The following ZNF140 variants were observed in gnomAD, a reference collection of about 807,000 sequenced individuals.
The protein encoded by ZNF140 is zinc finger protein 140.
A neutral mutation model predicts 12.9 loss-of-function variants in ZNF140; 13 were observed. That is an observed-to-expected ratio of 1.01 (90% CI 0.66 to 1.60). The LOEUF is 1.60. Ranked by LOEUF, ZNF140 falls within the 40% of genes most tolerant of loss-of-function variation. ZNF140 has a pLI of 0.00. For missense variants in ZNF140, 531 were observed against 548.8 expected, an observed-to-expected ratio of 0.97 and a Z score of 0.32; for synonymous variants, 214 against 186.7, an observed-to-expected ratio of 1.15 and a Z score of -1.19.
rs1398549765 is a variant in ZNF140, at chr12:133,105,791, C to T, written c.514C>T (p.Arg172Ter). The T allele has an allele frequency of 1.7e-5, 27 of 1,613,946 alleles. No individual in the cohort carries two copies. Among genetic ancestry groups the T allele is most frequent in the Middle Eastern group, 1.6e-4 (1 of 6,082 alleles). The change falls in exon 5 of 5, where the codon CGA becomes TGA. Residue 172 changes from arginine to a stop codon, truncating the protein, a stop_gained. Transcript: ENST00000355557. LOFTEE classifies it low-confidence loss of function (END_TRUNC). ...GCHECGKTFG[R>*]RFSLVLHQRT... ...CCATGAATGTGGAAAAACTTTTGGT[C>T]GACGCTTTTCCCTGGTGTTACACCA...
rs980046892 is a variant in ZNF140, at chr12:133,092,253, C to T, written c.232+8692C>T. Among the ~76,000 whole-genome samples, 5 of 151,058 alleles carry T rather than the reference C, an allele frequency of 3.3e-5. 1 individual carries two copies. The highest frequency in any genetic ancestry group is 5.9e-5 in the Non-Finnish European group (4 of 67,800). ...TTTAATACTTCTGTTAAGATATGTACGGATGGAGAAGCCTCCCACGGTCGG... is the reference window on the plus strand; with the variant it reads ...TTTAATACTTCTGTTAAGATATGTATGGATGGAGAAGCCTCCCACGGTCGG... On this transcript the variant is annotated intron_variant, in intron 4 of 4. Transcript: ENST00000355557.
At chr12:133,081,249 A>G in intron 1 of ZNF140, 24 bp from the exon 2 acceptor site, 2 of 1,414,736 alleles carry the variant, frequency 1.4e-6, no homozygotes, top group Admixed American at 1.9e-5. Context: ...CTGTTCGCTC[A>G]GGGCTCCTTT....
At position 133,106,079 on chromosome 12, in the gene ZNF140, A is replaced by T. The variant is rs368056146; in HGVS notation, c.802A>T (p.Ile268Leu). The change falls in exon 5 of 5, where the codon ATA (isoleucine) becomes TTA (leucine). Residue 268 changes from isoleucine (I) to leucine (L), a missense_variant. Ile to Leu is a conservative substitution (Grantham distance 5). Transcript: ENST00000355557. ...SNLTRHQRIHIGKKQYICRKC... is the reference protein window; with the variant it reads ...SNLTRHQRIHLGKKQYICRKC... Reference sequence around the variant, plus strand: ...CCTCACTCGACATCAAAGAATTCACATAGGAAAGAAACAATATATATGTAG... The same window carrying T: ...CCTCACTCGACATCAAAGAATTCACTTAGGAAAGAAACAATATATATGTAG... 30 of 1,614,028 alleles carry T rather than the reference A, an allele frequency of 1.9e-5. No homozygotes were observed. In the African/African-American group the frequency reaches 3.7e-4, roughly 20 times the overall value.
intron 4 of ZNF140, among the ~76,000 whole-genome samples, chr12:133,100,433 C>T (rs1955306707): frequency 6.6e-6 from 1 of 152,084 alleles, no homozygotes; most frequent in Non-Finnish European, 1.5e-5. Context: ...GTCTTGGCCT[C>T]CCAAAATTCT....
At chr12:133,089,179 A>C (rs768952490) in intron 4 of ZNF140, among the ~76,000 whole-genome samples, 1 of 151,730 alleles carries the variant, frequency 6.6e-6, no homozygotes, top group Admixed American at 6.6e-5. Flanking sequence ...GTGAATCCTG[A>C]TGCTTTCATT....
In ZNF140 at chr12:133,105,535, AGACTTTTCACCAAAAAAT is replaced by A; in HGVS notation, c.260_277del (p.Asp87_Asn92del). The A allele has an allele frequency of 6.2e-7, 1 of 1,609,494 alleles. No homozygotes were observed. Among genetic ancestry groups the A allele is most frequent in the Non-Finnish European group, 8.5e-7 (1 of 1,178,456 alleles). ...TTTCAGAGTCAAGTGGTGAGATCAAAGACTTTTCACCAAAAAATGTCATTTATGATGACTCATCCCAGT... is the reference window on the plus strand; with the variant it reads ...TTTCAGAGTCAAGTGGTGAGATCAAAGTCATTTATGATGACTCATCCCAGT... On this transcript the variant is annotated inframe_deletion, in exon 5 of 5. Coordinates refer to ENST00000355557, the MANE Select transcript of ZNF140 (RefSeq NM_003440.4).
In ZNF140 at chr12:133,081,372, A is replaced by ATATATATATATATATATATATAT. The variant is rs1954490088; in HGVS notation, c.9+43_9+44insTATATATATATATATATATATAT. The stretch of plus-strand genomic sequence containing the variant: ...AAATATATATATATATATATATATA[A>ATATATATATATATATATATATAT]ATTTTTATTTTTTTTTTAAGAGAGA... On this transcript the variant is annotated intron_variant, in intron 2 of 4. Coordinates refer to ENST00000355557, the MANE Select transcript of ZNF140 (RefSeq NM_003440.4). 1.1e-4 allele frequency: 12 copies of ATATATATATATATATATATATAT among 108,634 alleles called. 1 individual carries two copies. The highest frequency in any genetic ancestry group is 1.4e-4 in the African/African-American group (2 of 14,240). 6.7% of individuals were successfully genotyped at this position (108,634 alleles called of 1,614,324 possible).
chr12:133,106,315 A>T lies in ZNF140; in HGVS notation c.1038A>T (p.Lys346Asn), dbSNP rs1235291758. Residue 346 changes from lysine (K) to asparagine (N), a missense_variant, in exon 5 of 5, where the codon AAA becomes AAT. Lys to Asn is a moderately conservative substitution (Grantham distance 94). Coordinates refer to ENST00000355557, the MANE Select transcript of ZNF140 (RefSeq NM_003440.4). ...TCCGTTGTCACTCATTCCTTATTAA[A>T]CATCAGAGAATTCATGCTGGAGAAA... is the stretch of plus-strand genomic sequence containing the variant. ...KAFRCHSFLIKHQRIHAGEKL... is the reference protein window; with the variant it reads ...KAFRCHSFLINHQRIHAGEKL... The T allele has an allele frequency of 1.2e-6, 2 of 1,614,194 alleles. No homozygotes were observed. The highest frequency in any genetic ancestry group is 4.5e-5 in the East Asian group (2 of 44,882).
At chr12:133,087,440 T>C (rs1436331161) in intron 4 of ZNF140, among the ~76,000 whole-genome samples, 2 of 151,762 alleles carry the variant, frequency 1.3e-5, no homozygotes, top group East Asian at 3.9e-4. Flanking sequence ...AAATGCATAT[T>C]CCTAGGCCCC....
chr12:133,101,414 T>C, intron 4 of ZNF140, among the ~76,000 whole-genome samples: 1 of 152,036 alleles, frequency 6.6e-6, no homozygotes, highest in Non-Finnish European at 1.5e-5. Flanking sequence ...CACAGAATAC[T>C]TATGAGCCCA....
rs150988045 is a variant in ZNF140 at position 133,102,750 on chromosome 12, T to TA, written c.233-2746dup. On this transcript the variant is annotated intron_variant, in intron 4 of 4. Coordinates refer to ENST00000355557, the MANE Select transcript of ZNF140 (RefSeq NM_003440.4). Reference sequence around the variant, plus strand: ...GGTGACAGAGCGAGACTCCGTTTCTTAAAAAAAAAAAAAAGAAAAAAGAAA... The same window carrying TA: ...GGTGACAGAGCGAGACTCCGTTTCTTAAAAAAAAAAAAAAAGAAAAAAGAAA... Among the ~76,000 whole-genome samples, 1,180 of 136,704 alleles carry TA rather than the reference T, an allele frequency of 8.6e-3. 19 individuals are homozygous for TA. The highest frequency in any genetic ancestry group is 0.029 in the African/African-American group (1,082 of 37,446). 89.7% of individuals were successfully genotyped at this position (136,704 alleles called of 152,430 possible). A position where few individuals can be genotyped will look rare whatever the true frequency, so the allele number is the denominator to read the frequency against.
In ZNF140 at chr12:133,090,805, A is replaced by G. The variant is rs918675644; in HGVS notation, c.232+7244A>G. On this transcript the variant is annotated intron_variant, in intron 4 of 4. Transcript: ENST00000355557. ...GGTCAGCAAAAAACATGTGAGCAAA[A>G]GAATCTATATCATAATTAGGTTTAA... Among the ~76,000 whole-genome samples, 260 of 134,872 alleles carry G rather than the reference A, an allele frequency of 1.9e-3. 4 individuals are homozygous for G. The East Asian group carries it at 0.043, about 22-fold the overall frequency. 88.5% of individuals were successfully genotyped at this position (134,872 alleles called of 152,430 possible). A position where few individuals can be genotyped will look rare whatever the true frequency, so the allele number is the denominator to read the frequency against.
rs925193507 is a variant in ZNF140 at position 133,106,704 on chromosome 12, A to G, written c.*53A>G. On this transcript the variant is annotated 3_prime_UTR_variant, in exon 5 of 5. Coordinates refer to ENST00000355557, the MANE Select transcript of ZNF140 (RefSeq NM_003440.4). ...TGTATGGAATTTTTTAAAAAGAAGTATAATGCCTTACTTCAGAGAACTCTT... is the reference window on the plus strand; with the variant it reads ...TGTATGGAATTTTTTAAAAAGAAGTGTAATGCCTTACTTCAGAGAACTCTT... The G allele has an allele frequency of 4.2e-6, 6 of 1,445,582 alleles. No individual in the cohort carries two copies. Among genetic ancestry groups the G allele is most frequent in the African/African-American group, 1.4e-5 (1 of 70,536 alleles). The allele number at this position is 1,445,582 out of a possible 1,614,324, so 89.5% of individuals were successfully genotyped here.
chr12:133,093,211 T>C lies in ZNF140; in HGVS notation c.232+9650T>C, dbSNP rs1424290226. Among the ~76,000 whole-genome samples the C allele has an allele frequency of 1.3e-5, 2 of 151,204 alleles. 1 individual carries two copies. Among genetic ancestry groups the C allele is most frequent in the Non-Finnish European group, 2.9e-5 (2 of 67,880 alleles). ...GGTCATCCATGGGGCCTGGTACCCA[T>C]GCACTGTTATTAACGTATACTTCAA... is the stretch of plus-strand genomic sequence containing the variant. On this transcript the variant is annotated intron_variant, in intron 4 of 4. Coordinates refer to ENST00000355557, the MANE Select transcript of ZNF140 (RefSeq NM_003440.4).
chr12:133,104,565 C>G (rs376647680), intron 4 of ZNF140, among the ~76,000 whole-genome samples: 51 of 152,108 alleles, frequency 3.4e-4, no homozygotes, highest in African/African-American at 1.2e-3. Flanking sequence ...GTTAGCCAGG[C>G]TGGTCTCGAT....
intron 4 of ZNF140, among the ~76,000 whole-genome samples, chr12:133,097,908 C>T (rs940680321): frequency 6.6e-6 from 1 of 151,318 alleles, no homozygotes; most frequent in Non-Finnish European, 1.5e-5. Context: ...GCAATCTTGG[C>T]TCACTGCGAC....
intron 2 of ZNF140, 37 bp from the exon 3 acceptor site, chr12:133,083,066 G>A (rs1051566615): frequency 1.1e-5 from 18 of 1,613,740 alleles, no homozygotes; most frequent in Non-Finnish European, 1.5e-5. Flanking sequence ...TTGGGGGCAT[G>A]CGTGCTGGTC....
Position 133,106,452 on chromosome 12 carries a change from A to T in ZNF140, c.1175A>T (p.Lys392Ile). ...CCCTATGCGTGTGCTGAATGTGATA[A>T]AGCCTTCAGCCGGAGCTTTTCCCTC... Reference protein sequence around the residue: ...EKPYACAECDKAFSRSFSLIL... With the variant: ...EKPYACAECDIAFSRSFSLIL... The change falls in exon 5 of 5, where the codon AAA (lysine) becomes ATA (isoleucine). Residue 392 changes from lysine to isoleucine, a missense_variant. By Grantham distance (102) the Lys-to-Ile change is moderately radical. Transcript: ENST00000355557. The T allele has an allele frequency of 6.2e-7, 1 of 1,614,094 alleles. No homozygotes were observed. Among genetic ancestry groups the T allele is most frequent in the Non-Finnish European group, 8.5e-7 (1 of 1,180,006 alleles).
chr12:133,095,844 A>G (rs1477435561), intron 4 of ZNF140, among the ~76,000 whole-genome samples: 3 of 152,060 alleles, frequency 2.0e-5, no homozygotes, highest in Non-Finnish European at 4.4e-5. Flanking sequence ...GGAGTAAAGA[A>G]TAACAAGGCA....
Sources: allele counts gnomAD v4.1 joint callset (sites outside exome capture counted in the v4.1 genomes callset), GRCh38; gene constraint gnomAD v4.1.1; transcripts MANE v1.5; gene names NCBI Gene and HGNC (gene_info 2026-07-23, HGNC 2026-07-21).